Variants in CEP112 observed in about 807,000 individuals in gnomAD.
The protein encoded by CEP112 is centrosomal protein of 112 kDa.
Under a neutral mutation model 153.0 loss-of-function variants are expected in CEP112, and 127 were observed. The ratio of observed to expected loss-of-function variants is 0.83; its 90% confidence interval spans 0.72 to 0.96. The LOEUF is 0.96. Ranked by LOEUF, CEP112 falls within the 40% of genes least tolerant of loss-of-function variation. CEP112 has a pLI of 0.00. For synonymous variants in CEP112, 358 were observed against 374.4 expected, an observed-to-expected ratio of 0.96 and a Z score of 0.51; for missense variants, 1,089 against 1,101.2, an observed-to-expected ratio of 0.99 and a Z score of 0.16.
chr17:65,962,740 G>A (rs1007088321), intron 17 of CEP112, among the ~76,000 whole-genome samples: 3 of 125,112 alleles, frequency 2.4e-5, no homozygotes, highest in African/African-American at 8.6e-5. Flanking sequence ...TGAGTCTAAT[G>A]AGATCTGATG....
At chr17:65,919,391 C>T (rs547352993) in intron 19 of CEP112, among the ~76,000 whole-genome samples, 54 of 152,248 alleles carry the variant, frequency 3.5e-4, no homozygotes, top group African/African-American at 1.2e-3. Flanking sequence ...CCCAGATGCT[C>T]GGCGTCTAAA....
chr17:65,897,001 A>T (rs1197218550), intron 20 of CEP112, among the ~76,000 whole-genome samples: 1 of 152,072 alleles, frequency 6.6e-6, no homozygotes, highest in Admixed American at 6.6e-5. Flanking sequence ...AGTAAAGCCC[A>T]CTTAATACTT....
At chr17:66,066,405 C>T (rs2067120285) in intron 10 of CEP112, among the ~76,000 whole-genome samples, 1 of 152,032 alleles carries the variant, frequency 6.6e-6, no homozygotes, top group South Asian at 2.1e-4. Context: ...CTTTGACTTC[C>T]TCATGAAGGC....
rs367741037 is a variant in CEP112 at position 65,801,874 on chromosome 17, G to A, written c.2394+49930C>T. On this transcript the variant is annotated intron_variant, in intron 21 of 26. Coordinates refer to ENST00000535342, the MANE Select transcript of CEP112 (RefSeq NM_001199165.4). ...TTCTATTATTTTTCCCCCTGCCCACGGGAAATAAAGTGTGCCCATGCCACA... is the reference window on the plus strand; with the variant it reads ...TTCTATTATTTTTCCCCCTGCCCACAGGAAATAAAGTGTGCCCATGCCACA... Among the ~76,000 whole-genome samples, 15 of 152,146 alleles carry A rather than the reference G, an allele frequency of 9.9e-5. No homozygotes were observed. In the South Asian group the frequency reaches 1.0e-3, roughly 11 times the overall value.
chr17:65,762,261 G>C (rs1040215971), intron 21 of CEP112, among the ~76,000 whole-genome samples: 5 of 151,718 alleles, frequency 3.3e-5, no homozygotes, highest in African/African-American at 1.2e-4. Context: ...TCTTTCTTCT[G>C]CTTAGTGTTA....
chr17:66,159,468 C>T (rs977465338), intron 4 of CEP112, among the ~76,000 whole-genome samples: 1 of 152,090 alleles, frequency 6.6e-6, no homozygotes, highest in Admixed American at 6.5e-5. Flanking sequence ...ACTGGCAAAC[C>T]GAATCCAACA....
intron 6 of CEP112, among the ~76,000 whole-genome samples, chr17:66,103,247 T>C (rs1269147207): frequency 6.7e-6 from 1 of 149,130 alleles, no homozygotes; most frequent in East Asian, 1.9e-4. Flanking sequence ...CATGAAAAAC[T>C]GAAAGCATTC....
At chr17:65,914,014 A>G (rs1177006587) in intron 19 of CEP112, 3 of 301,436 alleles carry the variant, frequency 1.0e-5, no homozygotes, top group Non-Finnish European at 1.5e-5. Flanking sequence ...AAGAAGCCAG[A>G]TAGTCAAATG....
intron 24 of CEP112, among the ~76,000 whole-genome samples, chr17:65,658,436 A>T (rs188944173): frequency 1.1e-4 from 16 of 152,346 alleles, no homozygotes; most frequent in Admixed American, 6.5e-4. Context: ...AATAGAAGCA[A>T]GAGATGAGTT....
rs188589836 is a variant in CEP112, at chr17:65,638,695, C to T, written c.2800-1507G>A. On this transcript the variant is annotated intron_variant, in intron 25 of 26. Transcript: ENST00000535342. ...CGGAATTCCAACAATTCTCAAAAAA[C>T]ACAGGCACCTGTGCTTTCAAACTAA... 2.3e-3 allele frequency among the ~76,000 whole-genome samples: 344 copies of T among 152,276 alleles called. 1 individual carries two copies. The highest frequency in any genetic ancestry group is 8.1e-3 in the African/African-American group (336 of 41,568).
intron 24 of CEP112, among the ~76,000 whole-genome samples, chr17:65,687,252 C>T (rs562238868): frequency 2.9e-4 from 44 of 149,726 alleles, no homozygotes; most frequent in Admixed American, 2.7e-3. Flanking sequence ...CTGCAACCTC[C>T]GCCTCCCCAG....
At chr17:65,671,257 A>G (rs1043617882) in intron 24 of CEP112, among the ~76,000 whole-genome samples, 3 of 152,200 alleles carry the variant, frequency 2.0e-5, no homozygotes, top group Non-Finnish European at 4.4e-5. Flanking sequence ...CCCTGACTAC[A>G]CTTTAAGAGC....
At chr17:65,750,193 A>G (rs2051735387) in intron 22 of CEP112, among the ~76,000 whole-genome samples, 1 of 152,220 alleles carries the variant, frequency 6.6e-6, no homozygotes, top group Non-Finnish European at 1.5e-5. Context: ...TCCTAAAAAG[A>G]GTCAACAGTT....
At chr17:65,943,215 C>A (rs1159107599) in intron 18 of CEP112, among the ~76,000 whole-genome samples, 1 of 152,150 alleles carries the variant, frequency 6.6e-6, no homozygotes, top group Non-Finnish European at 1.5e-5. Flanking sequence ...CAAGAAAAAT[C>A]AATGACCATG....
intron 8 of CEP112, among the ~76,000 whole-genome samples, chr17:66,071,016 C>A (rs1291181961): frequency 1.3e-5 from 2 of 152,034 alleles, no homozygotes; most frequent in East Asian, 3.9e-4. Flanking sequence ...AGTAAGTATG[C>A]AAAAATATCA....
chr17:65,775,769 C>G (rs2053642165), intron 21 of CEP112, among the ~76,000 whole-genome samples: 1 of 152,184 alleles, frequency 6.6e-6, no homozygotes, highest in Non-Finnish European at 1.5e-5. Context: ...TCCCAAAGTG[C>G]TGGGATTACA....
intron 18 of CEP112, among the ~76,000 whole-genome samples, chr17:65,953,027 A>G (rs539976357): frequency 1.7e-4 from 24 of 143,228 alleles, no homozygotes; most frequent in Non-Finnish European, 3.3e-4. Context: ...TTCGAAATAC[A>G]TGTATTGTAA....
At chr17:66,052,220 A>T (rs550478888) in intron 12 of CEP112, among the ~76,000 whole-genome samples, 20 of 152,308 alleles carry the variant, frequency 1.3e-4, no homozygotes, top group Admixed American at 4.6e-4. Flanking sequence ...TTTGGAAATA[A>T]GCCCATAGTA....
rs1320158097 is a variant in CEP112 at position 65,710,495 on chromosome 17, G to A, written c.2608-21277C>T. 2.0e-5 allele frequency among the ~76,000 whole-genome samples: 3 copies of A among 152,174 alleles called. No individual in the cohort carries two copies. In the East Asian group the frequency reaches 5.8e-4, roughly 29 times the overall value. On this transcript the variant is annotated intron_variant, in intron 23 of 26. Coordinates refer to ENST00000535342, the MANE Select transcript of CEP112 (RefSeq NM_001199165.4). The stretch of plus-strand genomic sequence containing the variant: ...GCCCATGATATTTGTATGCGTGTAA[G>A]ACAGCAAGGAAGTAATAAAGTCAAC...
Sources: gnomAD v4.1 joint callset for allele counts (sites outside exome capture counted in the v4.1 genomes callset) on GRCh38, gnomAD v4.1.1 for gene constraint, MANE v1.5 for transcripts, NCBI Gene and HGNC (gene_info 2026-07-23, HGNC 2026-07-21) for gene names.